The following KMT2E variants were observed in gnomAD, a reference collection of about 807,000 sequenced individuals.
The protein encoded by KMT2E is lysine methyltransferase 2E (inactive), also known as histone reader KMT2E.
Under a neutral mutation model 184.6 loss-of-function variants are expected in KMT2E, and 30 were observed. The observed-to-expected ratio is 0.16, with a 90% confidence interval of 0.12 to 0.22. The LOEUF is 0.22. KMT2E is among the 10% of genes least tolerant of loss of function. The pLI, the probability that KMT2E is intolerant of heterozygous loss-of-function variation, is 1.00. For synonymous variants in KMT2E, 815 were observed against 776.5 expected (o/e 1.05, Z -0.82); for missense variants, 2,023 against 2,237.4 (o/e 0.90, Z 1.93).
chr7:105,026,355 TC>T (rs138224834), intron 1 of KMT2E, among the ~76,000 whole-genome samples: 2,520 of 152,290 alleles, frequency 0.017, 79 homozygotes, highest in African/African-American at 0.058. Flanking sequence ...CATATCAAGA[TC>T]CAAAGACCTT....
At chr7:105,029,310 A>G (rs1156338613) in intron 1 of KMT2E, among the ~76,000 whole-genome samples, 2 of 152,250 alleles carry the variant, frequency 1.3e-5, no homozygotes, top group Non-Finnish European at 2.9e-5. Flanking sequence ...CATAAGAGCA[A>G]TATAATTTTG....
At chr7:105,078,263 T>A (rs1797613624) in intron 11 of KMT2E, among the ~76,000 whole-genome samples, 1 of 152,178 alleles carries the variant, frequency 6.6e-6, no homozygotes, top group Non-Finnish European at 1.5e-5. Context: ...TTTTTATCTT[T>A]CTTTGTAAAT....
At chr7:105,075,939 T>TTGG in intron 8 of KMT2E, 104 bp from the exon 9 acceptor site, 1 of 831,878 alleles carries the variant, frequency 1.2e-6, no homozygotes, top group Non-Finnish European at 1.9e-6. Flanking sequence ...CCAAATTTTT[T>TTGG]GTTATGACAC....
At chr7:105,052,175 T>C (rs1415495745) in intron 3 of KMT2E, among the ~76,000 whole-genome samples, 3 of 152,222 alleles carry the variant, frequency 2.0e-5, no homozygotes, top group Non-Finnish European at 4.4e-5. Context: ...TATTCTCTTA[T>C]CTCACTATTA....
intron 22 of KMT2E, chr7:105,108,512 T>G (rs779307896): frequency 6.6e-6 from 3 of 451,950 alleles, no homozygotes; most frequent in South Asian, 4.7e-5. Context: ...TCCAAGAATT[T>G]TCGTGATGTG....
At position 105,077,140 on chromosome 7, in the gene KMT2E, A is replaced by G. The variant is rs200289007; in HGVS notation, c.946A>G (p.Met316Val). ...RLGNGNDKKE[M>V]NKSDLNTNNL... The stretch of plus-strand genomic sequence containing the variant: ...AGGCAATGGAAATGACAAAAAAGAG[A>G]TGAATAAATCCGATTTGAATACCAA... Residue 316 changes from methionine to valine, a missense_variant, in exon 10 of 27, where the codon ATG becomes GTG. Transcript: ENST00000311117. The G allele has an allele frequency of 6.2e-7, 1 of 1,614,078 alleles. No individual in the cohort carries two copies. The highest frequency in any genetic ancestry group is 1.7e-5 in the Admixed American group (1 of 60,016).
At chr7:105,028,893 C>T (rs1319588031) in intron 1 of KMT2E, among the ~76,000 whole-genome samples, 1 of 152,146 alleles carries the variant, frequency 6.6e-6, no homozygotes, top group Non-Finnish European at 1.5e-5. Flanking sequence ...TTGTAGCTTT[C>T]TGTTGATCCT....
At position 105,113,904 on chromosome 7, in the gene KMT2E, CTT is replaced by C. The variant is rs1799461220; in HGVS notation, c.*574_*575del. ...CTTTTGCGTATATAATTGCTTACAG[CTT>C]TTCTCATTTGATATATAGCATTGTA... On this transcript the variant is annotated 3_prime_UTR_variant, in exon 27 of 27. Coordinates refer to ENST00000311117, the MANE Select transcript of KMT2E (RefSeq NM_182931.3). The C allele has an allele frequency of 6.5e-6, 1 of 154,662 alleles. No individual in the cohort carries two copies. Among genetic ancestry groups the C allele is most frequent in the South Asian group, 2.0e-4 (1 of 4,910 alleles). The allele number at this position is 154,662 out of a possible 1,614,324, so 9.6% of individuals were successfully genotyped here.
chr7:105,042,211 G>A (rs770962435), intron 3 of KMT2E, among the ~76,000 whole-genome samples: 2 of 151,924 alleles, frequency 1.3e-5, no homozygotes, highest in Non-Finnish European at 2.9e-5. Flanking sequence ...GGCTGGCCTC[G>A]AACTCCTGGG....
At chr7:105,081,655 T>C (rs751054155) in intron 12 of KMT2E, 33 bp from the exon 13 acceptor site, 3 of 1,032,980 alleles carry the variant, frequency 2.9e-6, no homozygotes, top group Non-Finnish European at 4.4e-6. Flanking sequence ...CAGAAAGTAA[T>C]TTATGGTAAT....
rs368847353 is a variant in KMT2E, at chr7:105,106,627, C to G, written c.2702C>G (p.Thr901Ser). ...TPSPYATPTH[T>S]DITPMDPSFA... ...TCCCCGTATGCTACACCAACTCACA[C>G]CGATATTACTCCTATGGACCCATCT... The change falls in exon 20 of 27, where the codon ACC (threonine) becomes AGC (serine). Residue 901 changes from threonine to serine, a missense_variant. Physicochemically the swap from Thr to Ser is moderately conservative, Grantham distance 58 (BLOSUM62 1). Transcript: ENST00000311117. 33 of 1,613,986 alleles carry G rather than the reference C, an allele frequency of 2.0e-5. No homozygotes were observed. Among genetic ancestry groups the G allele is most frequent in the South Asian group, 1.1e-5 (1 of 91,080 alleles).
At chr7:105,026,766 G>A (rs1018558600) in intron 1 of KMT2E, among the ~76,000 whole-genome samples, 3 of 152,154 alleles carry the variant, frequency 2.0e-5, no homozygotes, top group Non-Finnish European at 4.4e-5. Context: ...ATTACTTTGA[G>A]AATAATTGTG....
chr7:105,086,866 T>C (rs1797988146), intron 13 of KMT2E, among the ~76,000 whole-genome samples: 1 of 145,308 alleles, frequency 6.9e-6, no homozygotes, highest in Admixed American at 7.0e-5. Flanking sequence ...ATAATATATA[T>C]TAGCATATAT....
At chr7:105,068,624 G>GTTTTTTTTTTTTTTT (rs77819480) in intron 6 of KMT2E, among the ~76,000 whole-genome samples, 1 of 112,272 alleles carries the variant, frequency 8.9e-6, no homozygotes, top group Admixed American at 9.2e-5. Context: ...ACTAGTTGTG[G>GTTTTTTTTTTTTTTT]TTTTTTTTTT....
intron 3 of KMT2E, among the ~76,000 whole-genome samples, chr7:105,046,541 T>A (rs1377087796): frequency 6.6e-6 from 1 of 152,244 alleles, no homozygotes; most frequent in Non-Finnish European, 1.5e-5. Flanking sequence ...GTACATGTCT[T>A]TAATGATTTA....
Position 105,096,541 on chromosome 7 carries a change from G to C in KMT2E, c.1723-4884G>C, listed in dbSNP as rs138385618. ...GGCAAGAGATTCCTGGACTTGTCAA[G>C]CAGGTATTATAGTCTAGTCTGGAAT... On this transcript the variant is annotated intron_variant, in intron 15 of 26. Coordinates refer to ENST00000311117, the MANE Select transcript of KMT2E (RefSeq NM_182931.3). 4.3e-3 allele frequency among the ~76,000 whole-genome samples: 656 copies of C among 151,962 alleles called. 6 individuals carry two copies. Among genetic ancestry groups the C allele is most frequent in the African/African-American group, 0.015 (615 of 41,526 alleles).
Position 105,063,502 on chromosome 7 carries a change from G to C in KMT2E, c.338G>C (p.Ser113Thr), listed in dbSNP as rs1032561967. Residue 113 changes from serine to threonine, a missense_variant, in exon 5 of 27, where the codon AGT becomes ACT. Coordinates refer to ENST00000311117, the MANE Select transcript of KMT2E (RefSeq NM_182931.3). ...ATTISTSEDGSYGTDVTRCIC... is the reference protein window; with the variant it reads ...ATTISTSEDGTYGTDVTRCIC... ...ACAATCAGCACATCTGAGGATGGAA[G>C]TTATGGTACTGATGTAACCAGGTGC... is the stretch of plus-strand genomic sequence containing the variant. 6.2e-7 allele frequency: 1 copy of C among 1,613,860 alleles called. No individual in the cohort carries two copies. The highest frequency in any genetic ancestry group is 8.5e-7 in the Non-Finnish European group (1 of 1,179,854).
At chr7:105,068,129 G>A (rs1389415901) in intron 6 of KMT2E, among the ~76,000 whole-genome samples, 1 of 152,118 alleles carries the variant, frequency 6.6e-6, no homozygotes, top group Non-Finnish European at 1.5e-5. Context: ...CAGTGTGCAT[G>A]TTTAGGGAAC....
chr7:105,049,129 A>G (rs1413876560), intron 3 of KMT2E, among the ~76,000 whole-genome samples: 2 of 152,192 alleles, frequency 1.3e-5, no homozygotes, highest in Non-Finnish European at 2.9e-5. Context: ...CCTAGGGGCC[A>G]TAAGAAGTTA....
Sources: allele counts gnomAD v4.1 joint callset (sites outside exome capture counted in the v4.1 genomes callset), GRCh38; gene constraint gnomAD v4.1.1; transcripts MANE v1.5; gene names NCBI Gene and HGNC (gene_info 2026-07-23, HGNC 2026-07-21).